Variants in SMCO2 observed in about 807,000 individuals in gnomAD.
SMCO2 encodes single-pass membrane protein with coiled-coil domains 2, also known as single-pass membrane and coiled-coil domain-containing protein 2.
SMCO2 carries 25 observed loss-of-function variants against 29.5 expected under a neutral mutation model. The observed-to-expected ratio is 0.85, with a 90% CI of 0.62 to 1.18. The LOEUF (loss-of-function observed/expected upper bound fraction) is 1.18. Ranked by LOEUF, SMCO2 falls within the 50% of genes most tolerant of loss-of-function variation. The pLI is 0.00. For missense variants in SMCO2, 348 were observed against 344.5 expected (o/e 1.01, Z -0.08); for synonymous variants, 117 against 123.3 (o/e 0.95, Z 0.34).
chr12:27,472,080 C>G (rs911009618), intron 2 of SMCO2, among the ~76,000 whole-genome samples: 3 of 151,994 alleles, frequency 2.0e-5, no homozygotes, highest in Admixed American at 2.0e-4. Context: ...ATTTTACAGC[C>G]CCACAATGGA....
chr12:27,479,487 C>A (rs1046293413), intron 4 of SMCO2, among the ~76,000 whole-genome samples: 15 of 152,166 alleles, frequency 9.9e-5, no homozygotes, highest in South Asian at 4.1e-4. Flanking sequence ...AGAGATAGCA[C>A]CAATAGGATA....
chr12:27,460,429 A>T, the SMCO2 span, among the ~76,000 whole-genome samples: 3,434 of 152,326 alleles, frequency 0.023, 139 homozygotes, highest in African/African-American at 0.078. Context: ...TGTATTATAT[A>T]CCATATTTTT....
At chr12:27,461,708 G>A in the SMCO2 span, among the ~76,000 whole-genome samples, 1 of 152,276 alleles carries the variant, frequency 6.6e-6, no homozygotes, top group African/African-American at 2.4e-5. Flanking sequence ...CATACAATAC[G>A]ATTTGTCAGA....
the SMCO2 span, among the ~76,000 whole-genome samples, chr12:27,435,832 C>T: frequency 6.6e-6 from 1 of 152,192 alleles, no homozygotes; most frequent in African/African-American, 2.4e-5. Context: ...CAATGAGCCT[C>T]AGTGAGGCAG....
At chr12:27,494,191 A>G (rs966983287) in intron 5 of SMCO2, 109 bp from the exon 7 acceptor site, 3 of 649,668 alleles carry the variant, frequency 4.6e-6, no homozygotes. Context: ...AAGTAAAAGT[A>G]AACTTCAATG....
chr12:27,431,208 G>T, the SMCO2 span, among the ~76,000 whole-genome samples: 36 of 152,062 alleles, frequency 2.4e-4, no homozygotes, highest in Non-Finnish European at 4.7e-4. Flanking sequence ...GTAGAGATGG[G>T]TTTTCGCCAT....
At chr12:27,427,359 T>C in the SMCO2 span, among the ~76,000 whole-genome samples, 1 of 152,196 alleles carries the variant, frequency 6.6e-6, no homozygotes, top group Admixed American at 6.5e-5. Flanking sequence ...TGTCATGTGA[T>C]GCTGAGGCAT....
At chr12:27,461,629 A>T in the SMCO2 span, among the ~76,000 whole-genome samples, 1 of 152,254 alleles carries the variant, frequency 6.6e-6, no homozygotes, top group African/African-American at 2.4e-5. Flanking sequence ...ACTTATATAA[A>T]TGTGTCTTCC....
chr12:27,474,899 G>T, exon 4 of SMCO2: 1 of 1,551,048 alleles, frequency 6.4e-7, no homozygotes, highest in South Asian at 1.2e-5. Flanking sequence ...TTTCAAAGAA[G>T]AACCTCCTTG....
chr12:27,452,878 G>T, the SMCO2 span, among the ~76,000 whole-genome samples: 3 of 152,136 alleles, frequency 2.0e-5, no homozygotes, highest in African/African-American at 7.2e-5. Flanking sequence ...TCAGAAGAAG[G>T]TTCATTTCTG....
chr12:27,491,496 C>T (rs1482017705), intron 5 of SMCO2, among the ~76,000 whole-genome samples: 1 of 152,140 alleles, frequency 6.6e-6, no homozygotes, highest in Non-Finnish European at 1.5e-5. Flanking sequence ...CACAGCTCCT[C>T]TCTAAATAAT....
chr12:27,454,722 C>G, the SMCO2 span, among the ~76,000 whole-genome samples: 17 of 152,156 alleles, frequency 1.1e-4, no homozygotes, highest in Non-Finnish European at 2.1e-4. Context: ...CTATCCTTCC[C>G]CTGGCCCTCC....
the SMCO2 span, among the ~76,000 whole-genome samples, chr12:27,458,559 A>G: frequency 6.6e-6 from 1 of 152,218 alleles, no homozygotes; most frequent in Non-Finnish European, 1.5e-5. Context: ...CCCCTAATTA[A>G]CATGGCTTAA....
chr12:27,482,499 G>T (rs1419990368), intron 4 of SMCO2, among the ~76,000 whole-genome samples: 1 of 152,110 alleles, frequency 6.6e-6, no homozygotes, highest in Non-Finnish European at 1.5e-5. Flanking sequence ...CAGGGTTCCA[G>T]CACGTTGGCC....
intron 4 of SMCO2, among the ~76,000 whole-genome samples, chr12:27,479,659 T>A (rs1200207133): frequency 6.6e-6 from 1 of 152,140 alleles, no homozygotes; most frequent in Admixed American, 6.5e-5. Flanking sequence ...AACTGAATCA[T>A]GGGAGCGGGT....
intron 4 of SMCO2, among the ~76,000 whole-genome samples, chr12:27,480,261 G>A (rs1167752224): frequency 6.6e-6 from 1 of 152,182 alleles, no homozygotes. Flanking sequence ...ATTGGATGGT[G>A]TCCACCCACA....
chr12:27,424,843 G>GATCTGCT, the SMCO2 span: 1 of 152,214 alleles, frequency 6.6e-6, no homozygotes, highest in African/African-American at 2.4e-5. Context: ...TTCATTAGCA[G>GATCTGCT]ATCTTTTTTT....
At position 27,487,635 on chromosome 12, in the gene SMCO2, G is replaced by A. The variant is rs145651006; in HGVS notation, c.363-825G>A. On this transcript the variant is annotated intron_variant, in intron 4 of 7. Transcript: ENST00000298876. ...TCAGTTTTAAGTTTTGACAGGAACT[G>A]CCAAACAGTGTTCCAGAGTGGCTGA... Among the ~76,000 whole-genome samples, 886 of 152,270 alleles carry A rather than the reference G, an allele frequency of 5.8e-3. 13 individuals carry two copies. The highest frequency in any genetic ancestry group is 0.02 in the African/African-American group (850 of 41,552).
At chr12:27,424,453 G>C in the SMCO2 span, 1 of 152,174 alleles carries the variant, frequency 6.6e-6, no homozygotes, top group Non-Finnish European at 1.5e-5. Context: ...GTGAAACAAA[G>C]ACAAACAGGA....
Sources: gnomAD v4.1 joint callset for allele counts (sites outside exome capture counted in the v4.1 genomes callset) on GRCh38, gnomAD v4.1.1 for gene constraint, MANE v1.5 for transcripts, NCBI Gene and HGNC (gene_info 2026-07-23, HGNC 2026-07-21) for gene names.